The following PRMT8 variants were observed in gnomAD, a reference collection of about 807,000 sequenced individuals.
PRMT8 encodes protein arginine methyltransferase 8.
A neutral mutation model predicts 47.1 loss-of-function variants in PRMT8; 7 were observed. The observed-to-expected ratio is 0.15, with a 90% CI of 0.08 to 0.28. PRMT8 has a LOEUF of 0.28. PRMT8 is among the 10% of genes least tolerant of loss of function. PRMT8 has a pLI of 1.00. For missense variants in PRMT8, 237 were observed against 505.4 expected, an observed-to-expected ratio of 0.47 and a Z score of 5.09; for synonymous variants, 188 against 186.5, an observed-to-expected ratio of 1.01 and a Z score of -0.07.
At chr12:3,397,935 C>T (rs547911068) in intron 1 of PRMT8, among the ~76,000 whole-genome samples, 4 of 152,198 alleles carry the variant, frequency 2.6e-5, no homozygotes, top group Admixed American at 1.3e-4. Flanking sequence ...TTAAGCCCGT[C>T]GGAAAAGCGC....
In PRMT8 at chr12:3,566,366, C is replaced by T. The variant is rs1866721304; in HGVS notation, c.482-2340C>T. ...AGAGAAACTTCAACACCTACCCCTCCCACTCCCACCAAAACTTTTGGAGAA... is the reference window on the plus strand; with the variant it reads ...AGAGAAACTTCAACACCTACCCCTCTCACTCCCACCAAAACTTTTGGAGAA... On this transcript the variant is annotated intron_variant, in intron 4 of 9. Transcript: ENST00000382622. This position sits in a 1 kb window ranked among gnomAD's most constrained non-coding sequence, Gnocchi z 4.7. 6.6e-6 allele frequency among the ~76,000 whole-genome samples: 1 copy of T among 152,134 alleles called. No homozygotes were observed. The highest frequency in any genetic ancestry group is 2.1e-4 in the South Asian group (1 of 4,820).
Position 3,493,666 on chromosome 12 carries a change from A to C in PRMT8, c.75+1966A>C, listed in dbSNP as rs1232468750. On this transcript the variant is annotated intron_variant, in intron 1 of 9. Transcript: ENST00000382622. The surrounding 1 kb of genome is among the most constrained non-coding windows in gnomAD (Gnocchi z 8.2). ...CGGAGCAGGCAGAGCGCCGCGCGCC[A>C]GTCTATTTTTACTTGCTTCCCCCGC... Among the ~76,000 whole-genome samples, 1 of 152,222 alleles carries C rather than the reference A, an allele frequency of 6.6e-6. No homozygotes were observed. Among genetic ancestry groups the C allele is most frequent in the African/African-American group, 2.4e-5 (1 of 41,458 alleles).
intron 1 of PRMT8, among the ~76,000 whole-genome samples, chr12:3,496,090 G>T (rs1161916342): frequency 1.3e-5 from 2 of 150,892 alleles, no homozygotes; most frequent in African/African-American, 4.9e-5. Flanking sequence ...AAAGTCTGAT[G>T]CATGATGCAT....
At chr12:3,555,358 G>T (rs547011793) in intron 4 of PRMT8, among the ~76,000 whole-genome samples, 10 of 152,350 alleles carry the variant, frequency 6.6e-5, no homozygotes, top group African/African-American at 2.4e-4. Context: ...AAAGGAGCCA[G>T]GCTGACAAAG....
intron 6 of PRMT8, among the ~76,000 whole-genome samples, chr12:3,571,231 A>T (rs912167087): frequency 3.3e-5 from 5 of 152,218 alleles, no homozygotes; most frequent in African/African-American, 1.2e-4. Flanking sequence ...TCTAGGACAG[A>T]TGTACTCTCA....
At chr12:3,455,248 A>G (rs141557778) in intron 1 of PRMT8, among the ~76,000 whole-genome samples, 78 of 152,270 alleles carry the variant, frequency 5.1e-4, no homozygotes, top group African/African-American at 1.9e-3. Flanking sequence ...GGGCATACGA[A>G]CCTGTTGGTC....
At chr12:3,420,843 C>T (rs1864533289) in intron 1 of PRMT8, among the ~76,000 whole-genome samples, 1 of 152,208 alleles carries the variant, frequency 6.6e-6, no homozygotes, top group African/African-American at 2.4e-5. Flanking sequence ...TACTCACCTA[C>T]TCACAGGGCA....
At chr12:3,546,925 A>C (rs779770987) in intron 2 of PRMT8, among the ~76,000 whole-genome samples, 3 of 152,234 alleles carry the variant, frequency 2.0e-5, no homozygotes, top group Non-Finnish European at 4.4e-5. Flanking sequence ...ACACCCAGCA[A>C]TATTTTAAAA....
chr12:3,541,527 C>T (rs1185867289), intron 2 of PRMT8, among the ~76,000 whole-genome samples: 6 of 152,198 alleles, frequency 3.9e-5, no homozygotes, highest in Non-Finnish European at 7.3e-5. Flanking sequence ...GCACATTATA[C>T]GTATCATTTC....
At chr12:3,426,025 C>T (rs1023264911) in intron 1 of PRMT8, among the ~76,000 whole-genome samples, 2 of 152,202 alleles carry the variant, frequency 1.3e-5, no homozygotes, top group African/African-American at 2.4e-5. Flanking sequence ...GGATGGCCCT[C>T]GGGGGCTGAC....
At chr12:3,531,812 C>G (rs1470436425) in intron 1 of PRMT8, among the ~76,000 whole-genome samples, 1 of 152,246 alleles carries the variant, frequency 6.6e-6, no homozygotes, top group African/African-American at 2.4e-5. Flanking sequence ...CTAAAGTGCT[C>G]TCTGTGGCCT....
At chr12:3,397,547 T>C in intron 1 of PRMT8, among the ~76,000 whole-genome samples, 1 of 151,466 alleles carries the variant, frequency 6.6e-6, no homozygotes, top group African/African-American at 2.4e-5. Context: ...AGGGACCCAC[T>C]TGAGGAGGCA....
chr12:3,546,969 A>G (rs1866336913), intron 2 of PRMT8, among the ~76,000 whole-genome samples: 1 of 152,248 alleles, frequency 6.6e-6, no homozygotes. Context: ...TTCATTTAAC[A>G]TTAAAAACCA....
rs890667458 is a variant in PRMT8, at chr12:3,566,036, T to C, written c.482-2670T>C. ...AAATGCAGGAGGAGGAACTGACCCATAGCCACACAGACACAGGCAGACATT... is the reference window on the plus strand; with the variant it reads ...AAATGCAGGAGGAGGAACTGACCCACAGCCACACAGACACAGGCAGACATT... On this transcript the variant is annotated intron_variant, in intron 4 of 9. Transcript: ENST00000382622. The surrounding 1 kb of genome is among the most constrained non-coding windows in gnomAD (Gnocchi z 4.7). 6.6e-6 allele frequency among the ~76,000 whole-genome samples: 1 copy of C among 151,814 alleles called. No homozygotes were observed. The highest frequency in any genetic ancestry group is 1.5e-5 in the Non-Finnish European group (1 of 67,970).
chr12:3,527,653 A>T (rs1280491766), intron 1 of PRMT8, among the ~76,000 whole-genome samples: 3 of 152,138 alleles, frequency 2.0e-5, no homozygotes, highest in African/African-American at 4.8e-5. Flanking sequence ...TGTATTTATA[A>T]TTCTTACAAG....
chr12:3,482,435 C>T (rs1168080962), intron 1 of PRMT8, among the ~76,000 whole-genome samples: 1 of 152,150 alleles, frequency 6.6e-6, no homozygotes, highest in East Asian at 1.9e-4. Context: ...GTCCTGATGT[C>T]GTTGCATAGC....
rs769020937 is a variant in PRMT8, at chr12:3,436,796, G to A, written c.48+55354G>A. Among the ~76,000 whole-genome samples the A allele has an allele frequency of 1.3e-5, 2 of 152,200 alleles. No homozygotes were observed. The highest frequency in any genetic ancestry group is 4.8e-5 in the African/African-American group (2 of 41,436). On this transcript the variant is annotated intron_variant, in intron 1 of 9. Coordinates refer to the PRMT8 transcript ENST00000452611. The surrounding 1 kb of genome is among the most constrained non-coding windows in gnomAD (Gnocchi z 4.2). ...TGGAGGCCTGGGTGATGGGAGAAGC[G>A]GATCCAGCAGGCAAGGCTGCGATTT...
chr12:3,437,632 A>G (rs1205135095), intron 1 of PRMT8, among the ~76,000 whole-genome samples: 2 of 147,894 alleles, frequency 1.4e-5, no homozygotes, highest in Non-Finnish European at 3.0e-5. Flanking sequence ...CTATATATAT[A>G]TATATATATA....
At position 3,436,758 on chromosome 12, in the gene PRMT8, C is replaced by A. The variant is rs1864746492; in HGVS notation, c.48+55316C>A. On this transcript the variant is annotated intron_variant, in intron 1 of 9. Coordinates refer to the PRMT8 transcript ENST00000452611. This position sits in a 1 kb window ranked among gnomAD's most constrained non-coding sequence, Gnocchi z 4.2. The stretch of plus-strand genomic sequence containing the variant: ...ATTTCCAGCGGATCGATTGCAGCAT[C>A]TCCCCGACAGCATGGAGGCCTGGGT... Among the ~76,000 whole-genome samples the A allele has an allele frequency of 6.6e-6, 1 of 152,214 alleles. No individual in the cohort carries two copies. The highest frequency in any genetic ancestry group is 1.5e-5 in the Non-Finnish European group (1 of 68,034).
Sources: allele counts gnomAD v4.1 joint callset (sites outside exome capture counted in the v4.1 genomes callset), GRCh38; gene constraint gnomAD v4.1.1; non-coding constraint Gnocchi (gnomAD v3.1); transcripts MANE v1.5; gene names NCBI Gene and HGNC (gene_info 2026-07-23, HGNC 2026-07-21).